Variants in COL4A5 observed in about 807,000 individuals in gnomAD.
COL4A5 encodes the protein collagen type IV alpha 5 chain, also known as collagen alpha-5(IV) chain.
A neutral mutation model predicts 130.2 loss-of-function variants in COL4A5; 26 were observed. The ratio of observed to expected loss-of-function variants is 0.20; its 90% confidence interval spans 0.15 to 0.28. The LOEUF (loss-of-function observed/expected upper bound fraction) is 0.28, where lower values mean the gene tolerates loss of function less well. Ranked by LOEUF, COL4A5 falls within the 10% of genes least tolerant of loss-of-function variation. The pLI, the probability that COL4A5 is intolerant of heterozygous loss-of-function variation, is 1.00. For synonymous variants in COL4A5, 496 were observed against 439.6 expected (o/e 1.13, Z -1.60); for missense variants, 1,131 against 1,344.3 (o/e 0.84, Z 2.48).
At chrX:108,499,748 A>G (rs1435757523) in intron 1 of COL4A5, among the ~76,000 whole-genome samples, 5 of 111,706 alleles carry the variant, frequency 4.5e-5, no homozygotes, top group African/African-American at 1.6e-4. Context: ...AATATATGTA[A>G]CTAGTCCCCT....
chrX:108,680,584 T>C, intron 44 of COL4A5, 95 bp from the exon 45 acceptor site: 1 of 701,196 alleles, frequency 1.4e-6, no homozygotes, highest in Non-Finnish European at 2.3e-6. Context: ...ACTCTAGAAA[T>C]AGTGCTATAT....
intron 10 of COL4A5, among the ~76,000 whole-genome samples, chrX:108,577,524 C>G (rs769225553): frequency 9.0e-6 from 1 of 110,562 alleles, no homozygotes; most frequent in Non-Finnish European, 1.9e-5. Flanking sequence ...TTCTCAGATA[C>G]ACAAAGTCAT....
At position 108,634,639 on chromosome X, in the gene COL4A5, A is replaced by G. The variant is rs773612487; in HGVS notation, c.3246+8290A>G. On this transcript the variant is annotated intron_variant, in intron 36 of 52. Transcript: ENST00000328300. ...AAATTACTCTTGGTAACTTTTTTAC[A>G]ATGAAATAAATCACTTTATTTTTCA... is the stretch of plus-strand genomic sequence containing the variant. Among the ~76,000 whole-genome samples the G allele has an allele frequency of 2.7e-5, 3 of 112,093 alleles. No individual in the cohort carries two copies. In the East Asian group the frequency reaches 8.4e-4, roughly 31 times the overall value.
intron 49 of COL4A5, among the ~76,000 whole-genome samples, chrX:108,691,089 C>A: frequency 9.0e-6 from 1 of 110,754 alleles, no homozygotes; most frequent in South Asian, 3.8e-4. Context: ...CATGTTCTCA[C>A]GTATATATGG....
chrX:108,680,941 C>A lies in COL4A5; in HGVS notation c.4072C>A (p.Leu1358Ile), dbSNP rs143020337. Residue 1358 changes from leucine to isoleucine, a missense_variant, in exon 46 of 53, where the codon CTT becomes ATT. Coordinates refer to ENST00000328300, the MANE Select transcript of COL4A5 (RefSeq NM_033380.3). Reference sequence around the variant, plus strand: ...AGCTGGCCCTGAGGGGGAACCGGGACTTATTGGTCCTCCAGGTAAGACTTA... The same window carrying A: ...AGCTGGCCCTGAGGGGGAACCGGGAATTATTGGTCCTCCAGGTAAGACTTA... ...GSAGPEGEPG[L>I]IGPPGPPGLP... 1.9e-4 allele frequency: 224 copies of A among 1,204,879 alleles called. No homozygotes were observed. The highest frequency in any genetic ancestry group is 2.5e-4 in the Non-Finnish European group (219 of 890,870).
chrX:108,550,681 C>T (rs1211461729), intron 2 of COL4A5, among the ~76,000 whole-genome samples: 1 of 110,170 alleles, frequency 9.1e-6, no homozygotes, highest in Non-Finnish European at 1.9e-5. Flanking sequence ...TACAGTAAGA[C>T]AAGAAAAAGA....
At chrX:108,633,067 A>T (rs1277215672) in intron 36 of COL4A5, among the ~76,000 whole-genome samples, 2 of 111,613 alleles carry the variant, frequency 1.8e-5, no homozygotes, top group African/African-American at 6.5e-5. Context: ...ACATGATTGT[A>T]TATTTAGAAA....
intron 30 of COL4A5, among the ~76,000 whole-genome samples, chrX:108,617,273 C>A (rs991574360): frequency 9.0e-6 from 1 of 111,528 alleles, no homozygotes; most frequent in African/African-American, 3.2e-5. Flanking sequence ...ATTCTTATAT[C>A]TTGATAAACC....
intron 36 of COL4A5, among the ~76,000 whole-genome samples, chrX:108,651,869 C>G (rs1424317280): frequency 8.9e-6 from 1 of 111,901 alleles, no homozygotes; most frequent in Non-Finnish European, 1.9e-5. Flanking sequence ...TAACATTTCA[C>G]TACTGGGAAG....
At chrX:108,607,031 A>G (rs2066740443) in intron 29 of COL4A5, 139 bp downstream of exon 29, 6 of 624,230 alleles carry the variant, frequency 9.6e-6, no homozygotes, top group South Asian at 5.0e-5. Flanking sequence ...ATTTTTTTCA[A>G]TCCTTCATTG....
At chrX:108,449,163 C>T (rs1390666966) in intron 1 of COL4A5, among the ~76,000 whole-genome samples, 3 of 111,754 alleles carry the variant, frequency 2.7e-5, no homozygotes. Context: ...ACACAACCAC[C>T]TCTCCCTGCC....
At chrX:108,549,105 T>G (rs1390025708) in intron 2 of COL4A5, among the ~76,000 whole-genome samples, 1 of 111,803 alleles carries the variant, frequency 8.9e-6, no homozygotes, top group Non-Finnish European at 1.9e-5. Context: ...CTCTATTTAT[T>G]TAACAGAAAG....
At chrX:108,481,549 C>T (rs1050065205) in intron 1 of COL4A5, among the ~76,000 whole-genome samples, 15 of 111,801 alleles carry the variant, frequency 1.3e-4, no homozygotes, top group African/African-American at 3.6e-4. Context: ...CTATCAGTTT[C>T]GCTTCTAGGA....
At chrX:108,660,114 G>A (rs751216013) in intron 37 of COL4A5, among the ~76,000 whole-genome samples, 99 of 111,419 alleles carry the variant, frequency 8.9e-4, no homozygotes, top group African/African-American at 3.1e-3. Flanking sequence ...TTAATATTAT[G>A]TGACTTCACA....
intron 47 of COL4A5, 79 bp from the exon 48 acceptor site, chrX:108,685,952 G>A (rs1255688030): frequency 4.6e-6 from 4 of 862,109 alleles, no homozygotes; most frequent in Admixed American, 2.4e-5. Context: ...TCAGTGTCTC[G>A]AGAACCTTAT....
intron 1 of COL4A5, among the ~76,000 whole-genome samples, chrX:108,533,506 A>T (rs1303529348): frequency 9.0e-6 from 1 of 111,477 alleles, no homozygotes; most frequent in Non-Finnish European, 1.9e-5. Flanking sequence ...TCTAATATCC[A>T]GAATCTACAA....
At chrX:108,531,267 A>G (rs1344030193) in intron 1 of COL4A5, among the ~76,000 whole-genome samples, 1 of 98,567 alleles carries the variant, frequency 1.0e-5, no homozygotes, top group Non-Finnish European at 2.0e-5. Context: ...CTAAATGACG[A>G]GTTAATGGGT....
At chrX:108,594,593 C>T (rs185602852) in intron 21 of COL4A5, among the ~76,000 whole-genome samples, 2 of 109,477 alleles carry the variant, frequency 1.8e-5, no homozygotes, top group East Asian at 5.8e-4. Flanking sequence ...TGTTCCCCTC[C>T]CTCATTCTGC....
chrX:108,611,408 C>G (rs1046961783), intron 29 of COL4A5, among the ~76,000 whole-genome samples: 2 of 110,575 alleles, frequency 1.8e-5, no homozygotes, highest in African/African-American at 6.6e-5. Flanking sequence ...TTCCGGGCAG[C>G]AAGAATAACA....
Sources: gnomAD v4.1 joint callset for allele counts (sites outside exome capture counted in the v4.1 genomes callset) on GRCh38, gnomAD v4.1.1 for gene constraint, MANE v1.5 for transcripts, NCBI Gene and HGNC (gene_info 2026-07-23, HGNC 2026-07-21) for gene names.